FER: variants seen among roughly 807,000 people sequenced by gnomAD.
FER encodes tyrosine-protein kinase Fer.
FER carries 63 observed loss-of-function variants against 111.0 expected under a neutral mutation model. That is an observed-to-expected ratio of 0.57 (90% CI 0.46 to 0.70). FER has a LOEUF of 0.70. FER is among the 30% of genes least tolerant of loss of function. The pLI, the probability that FER is intolerant of heterozygous loss-of-function variation, is 0.00. For synonymous variants in FER, 327 were observed against 313.9 expected (o/e 1.04, Z -0.44); for missense variants, 914 against 954.0 (o/e 0.96, Z 0.55).
At chr5:108,909,472 C>T (rs553573246) in intron 10 of FER, among the ~76,000 whole-genome samples, 2 of 152,170 alleles carry the variant, frequency 1.3e-5, no homozygotes, top group South Asian at 4.2e-4. Flanking sequence ...TGAAAATTCT[C>T]AAGGTTGTGT....
intron 13 of FER, among the ~76,000 whole-genome samples, chr5:108,992,555 T>G (rs1763355639): frequency 6.7e-6 from 1 of 148,846 alleles, no homozygotes. Flanking sequence ...GCAGAGGGGC[T>G]CCTCACTTCC....
intron 2 of FER, among the ~76,000 whole-genome samples, chr5:108,777,581 A>G (rs997327790): frequency 3.3e-5 from 5 of 152,182 alleles, no homozygotes; most frequent in East Asian, 1.9e-4. Flanking sequence ...TACTCCAACT[A>G]TTCATTCCTC....
chr5:108,758,045 G>A (rs945185917), intron 1 of FER, among the ~76,000 whole-genome samples: 2 of 152,178 alleles, frequency 1.3e-5, no homozygotes, highest in African/African-American at 4.8e-5. Flanking sequence ...AGATGGTGAA[G>A]AGATAGACAT....
At chr5:109,172,507 A>AGGGC in intron 17 of FER, among the ~76,000 whole-genome samples, 1 of 82,360 alleles carries the variant, frequency 1.2e-5, no homozygotes, top group African/African-American at 4.7e-5. Flanking sequence ...GGGGGGAGGG[A>AGGGC]TAGCATTAGG....
At chr5:108,960,874 C>T (rs1759054042) in intron 13 of FER, among the ~76,000 whole-genome samples, 1 of 152,146 alleles carries the variant, frequency 6.6e-6, no homozygotes, top group Admixed American at 6.5e-5. Context: ...CTTTCTTTTA[C>T]ATCACTGCCC....
At chr5:108,776,531 A>G (rs1015089174) in intron 2 of FER, among the ~76,000 whole-genome samples, 2 of 152,184 alleles carry the variant, frequency 1.3e-5, no homozygotes, top group Admixed American at 1.3e-4. Flanking sequence ...GAGACATTTT[A>G]TACAGATACT....
intron 3 of FER, among the ~76,000 whole-genome samples, chr5:108,811,989 A>ATG (rs1465066924): frequency 3.3e-5 from 5 of 152,182 alleles, no homozygotes; most frequent in Admixed American, 6.5e-5. Context: ...ACACCCTCAA[A>ATG]GACACACAGA....
At chr5:108,864,382 A>G (rs1379743925) in intron 5 of FER, among the ~76,000 whole-genome samples, 1 of 152,136 alleles carries the variant, frequency 6.6e-6, no homozygotes, top group East Asian at 1.9e-4. Flanking sequence ...CTTCCTAGGA[A>G]TGGTCTGAGG....
intron 17 of FER, among the ~76,000 whole-genome samples, chr5:109,122,447 A>G (rs1274793216): frequency 1.3e-5 from 2 of 151,486 alleles, no homozygotes; most frequent in Non-Finnish European, 2.9e-5. Flanking sequence ...CTTTATTTCA[A>G]TTTTTAATCC....
intron 2 of FER, among the ~76,000 whole-genome samples, chr5:108,795,123 A>G (rs139610728): frequency 3.8e-4 from 58 of 152,310 alleles, no homozygotes; most frequent in African/African-American, 1.4e-3. Context: ...TAGGAGTTTG[A>G]CAGCAGCCTG....
Position 109,187,648 on chromosome 5 carries a change from A to G in FER, c.*73A>G. The G allele has an allele frequency of 6.5e-7, 1 of 1,547,558 alleles. No homozygotes were observed. The highest frequency in any genetic ancestry group is 1.2e-5 in the South Asian group (1 of 86,638). The stretch of plus-strand genomic sequence containing the variant: ...GAGTAACATTATTGTTCTCATTAAC[A>G]ATGAATTTATACCACATTACCTTCG... On this transcript the variant is annotated 3_prime_UTR_variant, in exon 20 of 20. Coordinates refer to ENST00000281092, the MANE Select transcript of FER (RefSeq NM_005246.4).
chr5:109,185,432 CTTTCCTA>C (rs1223562548), intron 18 of FER, among the ~76,000 whole-genome samples: 1 of 151,362 alleles, frequency 6.6e-6, no homozygotes, highest in Non-Finnish European at 1.5e-5. Context: ...AATGAAGAAA[CTTTCCTA>C]ATTGCTTTAA....
chr5:108,798,108 T>C lies in FER; in HGVS notation c.-59-16T>C. 3 of 1,035,118 alleles carry C rather than the reference T, an allele frequency of 2.9e-6. No individual in the cohort carries two copies. Among genetic ancestry groups the C allele is most frequent in the Non-Finnish European group, 2.8e-6 (2 of 715,300 alleles). The allele number at this position is 1,035,118 out of a possible 1,614,324, so 64.1% of individuals were successfully genotyped here. ...CTTTTTATTTAAGAGTTTTTCTCTT[T>C]TGTTTACATACACAGATATGTGCTG... On this transcript the variant is annotated splice_polypyrimidine_tract_variant and intron_variant, in intron 2 of 19. Transcript: ENST00000281092.
At chr5:109,181,807 T>G (rs1758320811) in intron 18 of FER, among the ~76,000 whole-genome samples, 1 of 152,214 alleles carries the variant, frequency 6.6e-6, no homozygotes, top group South Asian at 2.1e-4. Flanking sequence ...CATTGGCATT[T>G]AGTACAGTTC....
At chr5:109,105,585 T>G (rs1255730906) in intron 17 of FER, among the ~76,000 whole-genome samples, 2 of 152,226 alleles carry the variant, frequency 1.3e-5, no homozygotes, top group Non-Finnish European at 2.9e-5. Flanking sequence ...GAAGGCACTG[T>G]AAGACCACTT....
At chr5:108,765,927 A>C (rs1158975287) in intron 1 of FER, among the ~76,000 whole-genome samples, 1 of 151,482 alleles carries the variant, frequency 6.6e-6, no homozygotes, top group African/African-American at 2.4e-5. Context: ...TGAAGTCATG[A>C]CTGAATTTTT....
Position 109,180,735 on chromosome 5 carries a change from A to C in FER, c.2049-12A>C. 1 of 1,598,664 alleles carries C rather than the reference A, an allele frequency of 6.3e-7. No individual in the cohort carries two copies. The highest frequency in any genetic ancestry group is 8.5e-7 in the Non-Finnish European group (1 of 1,175,258). On this transcript the variant is annotated splice_polypyrimidine_tract_variant and intron_variant, in intron 17 of 19. Transcript: ENST00000281092. ...TTTTAATAGGCGTTTTCTGTGTCTT[A>C]CTGTAACCTAGGGACCTTGCTGCAA...
chr5:108,927,250 C>T (rs1195009633), intron 10 of FER, among the ~76,000 whole-genome samples: 4 of 95,372 alleles, frequency 4.2e-5, no homozygotes, highest in Non-Finnish European at 7.8e-5. Context: ...TGAGAAGTGG[C>T]TCTTTTTTTT....
At chr5:109,093,468 C>T (rs1383113477) in intron 16 of FER, among the ~76,000 whole-genome samples, 1 of 152,050 alleles carries the variant, frequency 6.6e-6, no homozygotes. Context: ...CTACGACCAA[C>T]ACATTCTCAT....
Sources: gnomAD v4.1 joint callset for allele counts (sites outside exome capture counted in the v4.1 genomes callset) on GRCh38, gnomAD v4.1.1 for gene constraint, MANE v1.5 for transcripts, NCBI Gene and HGNC (gene_info 2026-07-23, HGNC 2026-07-21) for gene names.